Variants in OR2F1 observed in about 807,000 individuals in gnomAD.
OR2F1 encodes the protein olfactory receptor family 2 subfamily F member 1.
For missense variants in OR2F1, 389 were observed against 378.2 expected, an observed-to-expected ratio of 1.03 and a Z score of -0.24; for synonymous variants, 146 against 155.3, an observed-to-expected ratio of 0.94 and a Z score of 0.44.
In OR2F1 at chr7:143,960,684, C is replaced by A; in HGVS notation, c.714C>A (p.Phe238Leu). 6.2e-7 allele frequency: 1 copy of A among 1,614,082 alleles called. No individual in the cohort carries two copies. Reference sequence around the variant, plus strand: ...CCAGAGAAGGAAGAAAGAAAGCTTTCCACACGTGTGCCTCTCACCTCACAG... The same window carrying A: ...CCAGAGAAGGAAGAAAGAAAGCTTTACACACGTGTGCCTCTCACCTCACAG... ...IQSREGRKKAFHTCASHLTVV... is the reference protein window; with the variant it reads ...IQSREGRKKALHTCASHLTVV... Residue 238 changes from phenylalanine to leucine, a missense_variant, in exon 3 of 3, where the codon TTC becomes TTA. Physicochemically the swap from Phe to Leu is conservative, Grantham distance 22. Coordinates refer to ENST00000641412, the MANE Select transcript of OR2F1 (RefSeq NM_012369.3).
rs113458697 is a variant in OR2F1 at position 143,958,323 on chromosome 7, G to A, written c.-179-630G>A. 9.4e-3 allele frequency among the ~76,000 whole-genome samples: 1,431 copies of A among 152,038 alleles called. 32 individuals carry two copies. The highest frequency in any genetic ancestry group is 0.032 in the African/African-American group (1,310 of 41,498). On this transcript the variant is annotated intron_variant, in intron 1 of 2. Transcript: ENST00000641412. ...GAATGTCTCTTTGAGGAAATCAAAC[G>A]TATTCTCAGCCTCATTATGATTTTA... is the stretch of plus-strand genomic sequence containing the variant.
At position 143,960,894 on chromosome 7, in the gene OR2F1, C is replaced by A. The variant is rs898797256; in HGVS notation, c.924C>A (p.Phe308Leu). The A allele has an allele frequency of 1.2e-6, 2 of 1,611,574 alleles. No homozygotes were observed. Among genetic ancestry groups the A allele is most frequent in the African/African-American group, 2.7e-5 (2 of 74,820 alleles). ...KGAWQKLLWK[F>L]SGLTSKLAT Reference sequence around the variant, plus strand: ...CCTGGCAGAAACTATTATGGAAATTCTCTGGGTTAACATCAAAGCTGGCAA... The same window carrying A: ...CCTGGCAGAAACTATTATGGAAATTATCTGGGTTAACATCAAAGCTGGCAA... Residue 308 changes from phenylalanine to leucine, a missense_variant, in exon 3 of 3, where the codon TTC becomes TTA. By Grantham distance (22) the Phe-to-Leu change is conservative. Coordinates refer to ENST00000641412, the MANE Select transcript of OR2F1 (RefSeq NM_012369.3).
At position 143,963,991 on chromosome 7, in the gene OR2F1, G is replaced by A. The variant is rs1464494251; in HGVS notation, c.*3067G>A. 3.9e-5 allele frequency: 6 copies of A among 152,036 alleles called. No homozygotes were observed. The allele number at this position is 152,036 out of a possible 1,614,324, so 9.4% of individuals were successfully genotyped here. On this transcript the variant is annotated 3_prime_UTR_variant, in exon 3 of 3. Transcript: ENST00000641412. The stretch of plus-strand genomic sequence containing the variant: ...AACCTTCAATCCAATCAAGTTGATG[G>A]TCAATATTAACCATCATATATTCCA...
rs1367890847 is a variant in OR2F1, at chr7:143,961,697, G to GA, written c.*778dup. Reference sequence around the variant, plus strand: ...AAAATATTAAAAATGATCAATCTCTGAAAAATCTGTAAGCTCTTTCTCAGA... The same window carrying GA: ...AAAATATTAAAAATGATCAATCTCTGAAAAAATCTGTAAGCTCTTTCTCAGA... On this transcript the variant is annotated 3_prime_UTR_variant, in exon 3 of 3. Coordinates refer to ENST00000641412, the MANE Select transcript of OR2F1 (RefSeq NM_012369.3). 6.6e-6 allele frequency: 1 copy of GA among 152,094 alleles called. No homozygotes were observed. The highest frequency in any genetic ancestry group is 2.4e-5 in the African/African-American group (1 of 41,422). 9.4% of individuals were successfully genotyped at this position (152,094 alleles called of 1,614,324 possible).
In OR2F1 at chr7:143,961,737, A is replaced by G. The variant is rs2050331892; in HGVS notation, c.*813A>G. On this transcript the variant is annotated 3_prime_UTR_variant, in exon 3 of 3. Transcript: ENST00000641412. ...TCTTTCTCAGAATCTTCAGAAACACACAAAAAAGCACACAAATTATGAGAT... is the reference window on the plus strand; with the variant it reads ...TCTTTCTCAGAATCTTCAGAAACACGCAAAAAAGCACACAAATTATGAGAT... 6.6e-6 allele frequency: 1 copy of G among 152,350 alleles called. No individual in the cohort carries two copies. The highest frequency in any genetic ancestry group is 6.5e-5 in the Admixed American group (1 of 15,302). The allele number at this position is 152,350 out of a possible 1,614,324, so 9.4% of individuals were successfully genotyped here. A position where few individuals can be genotyped will look rare whatever the true frequency, so the allele number is the denominator to read the frequency against.
At position 143,960,083 on chromosome 7, in the gene OR2F1, C is replaced by A. The variant is rs2050313390; in HGVS notation, c.113C>A (p.Thr38Asn). The A allele has an allele frequency of 1.2e-6, 2 of 1,614,118 alleles. No individual in the cohort carries two copies. Among genetic ancestry groups the A allele is most frequent in the East Asian group, 2.2e-5 (1 of 44,874 alleles). ...CTGTTCTTGGTCATGTATGTGGTGA[C>A]CGTGCTGGGGAACTGTCTCATTGTC... is the stretch of plus-strand genomic sequence containing the variant. ...FVLFLVMYVVTVLGNCLIVLL... is the reference protein window; with the variant it reads ...FVLFLVMYVVNVLGNCLIVLL... Residue 38 changes from threonine to asparagine, a missense_variant, in exon 3 of 3, where the codon ACC becomes AAC. By Grantham distance (65) the Thr-to-Asn change is moderately conservative. Transcript: ENST00000641412.
rs756155912 is a variant in OR2F1, at chr7:143,962,580, C to G, written c.*1656C>G. 1 of 152,072 alleles carries G rather than the reference C, an allele frequency of 6.6e-6. No individual in the cohort carries two copies. Among genetic ancestry groups the G allele is most frequent in the Non-Finnish European group, 1.5e-5 (1 of 68,024 alleles). 9.4% of individuals were successfully genotyped at this position (152,072 alleles called of 1,614,324 possible). On this transcript the variant is annotated 3_prime_UTR_variant, in exon 3 of 3. Coordinates refer to ENST00000641412, the MANE Select transcript of OR2F1 (RefSeq NM_012369.3). ...TGGATTGAGACCAGAAATGTAAGAA[C>G]AAGTTATCCAGAAGACAAGAAACCC...
rs150907676 is a variant in OR2F1 at position 143,960,916 on chromosome 7, G to A, written c.946G>A (p.Ala316Thr). The change falls in exon 3 of 3, where the codon GCA (alanine) becomes ACA (threonine). Residue 316 changes from alanine (A) to threonine (T), a missense_variant. Coordinates refer to ENST00000641412, the MANE Select transcript of OR2F1 (RefSeq NM_012369.3). ...ATTCTCTGGGTTAACATCAAAGCTG[G>A]CAACTTGACTCATGAGTATGACTTA... The part of the protein sequence containing the change: ...WKFSGLTSKL[A>T]T 2.5e-6 allele frequency: 4 copies of A among 1,604,828 alleles called. No homozygotes were observed. Among genetic ancestry groups the A allele is most frequent in the Non-Finnish European group, 3.4e-6 (4 of 1,175,492 alleles).
Position 143,961,084 on chromosome 7 carries a change from G to A in OR2F1, c.*160G>A. The A allele has an allele frequency of 1.6e-6, 1 of 619,398 alleles. No individual in the cohort carries two copies. Among genetic ancestry groups the A allele is most frequent in the Non-Finnish European group, 2.9e-6 (1 of 345,764 alleles). 38.4% of individuals were successfully genotyped at this position (619,398 alleles called of 1,614,324 possible). A position where few individuals can be genotyped will look rare whatever the true frequency, so the allele number is the denominator to read the frequency against. ...AGGGGGAGTGGTTCAATTGGATGGG[G>A]TGTGGGACGTGGGGTTATATTTATG... On this transcript the variant is annotated 3_prime_UTR_variant, in exon 3 of 3. Coordinates refer to ENST00000641412, the MANE Select transcript of OR2F1 (RefSeq NM_012369.3).
At chr7:143,956,359 T>C (rs887017062) in intron 1 of OR2F1, among the ~76,000 whole-genome samples, 1 of 152,138 alleles carries the variant, frequency 6.6e-6, no homozygotes, top group African/African-American at 2.4e-5. Context: ...CAAATGCAGA[T>C]GATATTTACA....
rs2050338826 is a variant in OR2F1 at position 143,962,666 on chromosome 7, T to C, written c.*1742T>C. 6.6e-6 allele frequency: 1 copy of C among 152,094 alleles called. No homozygotes were observed. Among genetic ancestry groups the C allele is most frequent in the Non-Finnish European group, 1.5e-5 (1 of 68,030 alleles). The allele number at this position is 152,094 out of a possible 1,614,324, so 9.4% of individuals were successfully genotyped here. On this transcript the variant is annotated 3_prime_UTR_variant, in exon 3 of 3. Coordinates refer to ENST00000641412, the MANE Select transcript of OR2F1 (RefSeq NM_012369.3). ...TGAGCAAGCATGAAAGTCCAAAAAA[T>C]GTTGGAAGTTCAATTTCAGGGCAGA...
rs151074585 is a variant in OR2F1 at position 143,960,479 on chromosome 7, G to C, written c.509G>C (p.Arg170Thr). ...TAITFQLPMCRNKFIDHISCE... is the reference protein window; with the variant it reads ...TAITFQLPMCTNKFIDHISCE... Reference sequence around the variant, plus strand: ...ATCACCTTTCAGCTGCCCATGTGCAGAAACAAGTTTATTGATCACATATCC... The same window carrying C: ...ATCACCTTTCAGCTGCCCATGTGCACAAACAAGTTTATTGATCACATATCC... Residue 170 changes from arginine to threonine, a missense_variant, in exon 3 of 3, where the codon AGA becomes ACA. Coordinates refer to ENST00000641412, the MANE Select transcript of OR2F1 (RefSeq NM_012369.3). 3,107 of 1,614,182 alleles carry C rather than the reference G, an allele frequency of 1.9e-3. 12 individuals are homozygous for C. The highest frequency in any genetic ancestry group is 6.6e-3 in the Middle Eastern group (40 of 6,062).
At position 143,960,586 on chromosome 7, in the gene OR2F1, C is replaced by A. The variant is rs372747262; in HGVS notation, c.616C>A (p.Leu206Ile). The A allele has an allele frequency of 6.8e-6, 11 of 1,614,102 alleles. No individual in the cohort carries two copies. The highest frequency in any genetic ancestry group is 8.5e-6 in the Non-Finnish European group (10 of 1,180,056). Residue 206 changes from leucine to isoleucine, a missense_variant, in exon 3 of 3, where the codon CTT (leucine) becomes ATT (isoleucine). Physicochemically the swap from Leu to Ile is conservative, Grantham distance 5 (BLOSUM62 2). Transcript: ENST00000641412. ...CACCATCATGGTGTCTAGCATTGTT[C>A]TTCTGATGACACCCTTCTGCCTGGT... is the stretch of plus-strand genomic sequence containing the variant. ...EVTIMVSSIV[L>I]LMTPFCLVLL...
intron 2 of OR2F1, 22 bp from the exon 3 acceptor site, chr7:143,959,926 T>TGAA: frequency 1.4e-6 from 2 of 1,449,974 alleles, no homozygotes; most frequent in Non-Finnish European, 1.9e-6. Context: ...CAGCTTCTGT[T>TGAA]TTTTTCTGAC....
rs1424682859 is a variant in OR2F1 at position 143,960,462 on chromosome 7, T to G, written c.492T>G (p.Phe164Leu). ...ISSPVQTAIT[F>L]QLPMCRNKFI... Reference sequence around the variant, plus strand: ...CTCCTGTGCAGACTGCTATCACCTTTCAGCTGCCCATGTGCAGAAACAAGT... The same window carrying G: ...CTCCTGTGCAGACTGCTATCACCTTGCAGCTGCCCATGTGCAGAAACAAGT... The change falls in exon 3 of 3, where the codon TTT (phenylalanine) becomes TTG (leucine). Residue 164 changes from phenylalanine (F) to leucine (L), a missense_variant. Coordinates refer to ENST00000641412, the MANE Select transcript of OR2F1 (RefSeq NM_012369.3). 4 of 1,614,204 alleles carry G rather than the reference T, an allele frequency of 2.5e-6. No individual in the cohort carries two copies. In the South Asian group the frequency reaches 4.4e-5, roughly 18 times the overall value.
chr7:143,958,096 C>G (rs188776264), intron 1 of OR2F1, among the ~76,000 whole-genome samples: 1 of 152,110 alleles, frequency 6.6e-6, no homozygotes, highest in Non-Finnish European at 1.5e-5. Context: ...GTGTCTTTTC[C>G]CTCATGATAG....
chr7:143,963,220 A>G lies in OR2F1; in HGVS notation c.*2296A>G, dbSNP rs769075681. 2 of 152,254 alleles carry G rather than the reference A, an allele frequency of 1.3e-5. No individual in the cohort carries two copies. Among genetic ancestry groups the G allele is most frequent in the Non-Finnish European group, 2.9e-5 (2 of 68,050 alleles). 9.4% of individuals were successfully genotyped at this position (152,254 alleles called of 1,614,324 possible). The stretch of plus-strand genomic sequence containing the variant: ...AAAAATACAAACATACACATAATAC[A>G]TCAAGGAGGAAAATACGTGAAGATG... On this transcript the variant is annotated 3_prime_UTR_variant, in exon 3 of 3. Transcript: ENST00000641412.
At position 143,960,731 on chromosome 7, in the gene OR2F1, T is replaced by G. The variant is rs184801551; in HGVS notation, c.761T>G (p.Val254Gly). The G allele has an allele frequency of 2.0e-5, 33 of 1,613,890 alleles. No homozygotes were observed. The East Asian group carries it at 7.1e-4, about 35-fold the overall frequency. The part of the protein sequence containing the change: ...HLTVVALCYG[V>G]AIFTYIQPHS... Reference sequence around the variant, plus strand: ...ACAGTGGTTGCCCTGTGCTATGGTGTGGCCATTTTCACTTACATCCAGCCC... The same window carrying G: ...ACAGTGGTTGCCCTGTGCTATGGTGGGGCCATTTTCACTTACATCCAGCCC... Residue 254 changes from valine to glycine, a missense_variant, in exon 3 of 3, where the codon GTG becomes GGG. Val to Gly is a moderately radical substitution (Grantham distance 109). Coordinates refer to ENST00000641412, the MANE Select transcript of OR2F1 (RefSeq NM_012369.3).
At chr7:143,957,977 C>G (rs1028152914) in intron 1 of OR2F1, among the ~76,000 whole-genome samples, 1 of 152,112 alleles carries the variant, frequency 6.6e-6, no homozygotes, top group Non-Finnish European at 1.5e-5. Flanking sequence ...TGTAATGTGA[C>G]AAGGACTTAG....
Sources: allele counts gnomAD v4.1 joint callset (sites outside exome capture counted in the v4.1 genomes callset), GRCh38; gene constraint gnomAD v4.1.1; transcripts MANE v1.5; gene names NCBI Gene and HGNC (gene_info 2026-07-23, HGNC 2026-07-21).